TRAF7: variants seen among roughly 807,000 people sequenced by gnomAD.
TRAF7 encodes the protein TNF receptor associated factor 7.
A neutral mutation model predicts 89.3 loss-of-function variants in TRAF7; 45 were observed. The observed-to-expected ratio is 0.50, with a 90% CI of 0.40 to 0.65. TRAF7 has a LOEUF of 0.65. Ranked by LOEUF, TRAF7 falls within the 30% of genes least tolerant of loss-of-function variation. The probability of loss-of-function intolerance (pLI) is 0.00; values close to 1 mark genes in which losing one functional copy is unlikely to be tolerated. For synonymous variants in TRAF7, 406 were observed against 369.2 expected, an observed-to-expected ratio of 1.10 and a Z score of -1.14; for missense variants, 677 against 918.1, an observed-to-expected ratio of 0.74 and a Z score of 3.39.
chr16:2,165,986 C>A, intron 3 of TRAF7, 50 bp downstream of exon 3: 2 of 1,605,854 alleles, frequency 1.2e-6, no homozygotes, highest in Non-Finnish European at 1.7e-6. Flanking sequence ...CCGGGGCACC[C>A]CCATGCCCAC....
chr16:2,173,764 T>C (rs2093123367), intron 11 of TRAF7, 24 bp from the exon 12 acceptor site: 1 of 1,609,492 alleles, frequency 6.2e-7, no homozygotes, highest in South Asian at 1.1e-5. Context: ...CCACCTGCCC[T>C]CTGCCCTGCC....
chr16:2,176,291 C>A lies in TRAF7; in HGVS notation c.1905C>A (p.Cys635Ter). Residue 635 changes from cysteine (C) to a stop codon, truncating the protein, a stop_gained, in exon 20 of 21, where the codon TGC (cysteine) becomes TGA (stop). Coordinates refer to ENST00000326181, the MANE Select transcript of TRAF7 (RefSeq NM_032271.3). LOFTEE classifies it high-confidence loss of function. ...LRVWSMDNMICTQTLLRHQGS... is the reference protein window; with the variant it reads ...LRVWSMDNMI ...TCTGGAGTATGGACAACATGATCTG[C>A]ACGCAGACCCTGCTGCGTCACCAGG... The A allele has an allele frequency of 6.2e-7, 1 of 1,603,122 alleles. No individual in the cohort carries two copies. Among genetic ancestry groups the A allele is most frequent in the Non-Finnish European group, 8.5e-7 (1 of 1,179,304 alleles).
chr16:2,164,093 C>A, intron 2 of TRAF7, 92 bp downstream of exon 2: 1 of 1,246,712 alleles, frequency 8.0e-7, no homozygotes, highest in Non-Finnish European at 1.1e-6. Flanking sequence ...CCAGCGCAGT[C>A]CCGTCCCGAG....
At position 2,175,568 on chromosome 16, in the gene TRAF7, G is replaced by C. The variant is rs751098293; in HGVS notation, c.1572G>C (p.Arg524=). The C allele has an allele frequency of 1.9e-6, 3 of 1,612,898 alleles. No individual in the cohort carries two copies. In the African/African-American group the frequency reaches 4.0e-5, roughly 22 times the overall value. The change falls in exon 17 of 21, where the codon CGG becomes CGC. Residue 524 remains arginine, a synonymous_variant. Coordinates refer to ENST00000326181, the MANE Select transcript of TRAF7 (RefSeq NM_032271.3). ...KELTGLNHWV[R]ALVAAQSYLY... ...TCACAGGCCTCAACCACTGGGTGCG[G>C]GCCCTGGTGGCTGCCCAGAGCTACC...
chr16:2,156,003 G>C (rs1186914751), intron 1 of TRAF7, 145 bp downstream of exon 1: 1 of 147,716 alleles, frequency 6.8e-6, no homozygotes, highest in African/African-American at 2.5e-5. Context: ...GGGCTGAGAC[G>C]GTCGGGGTCG....
Position 2,168,077 on chromosome 16 carries a change from C to T in TRAF7, c.140C>T (p.Ala47Val), listed in dbSNP as rs2093093800. 3.7e-6 allele frequency: 6 copies of T among 1,611,020 alleles called. No individual in the cohort carries two copies. Among genetic ancestry groups the T allele is most frequent in the Non-Finnish European group, 5.1e-6 (6 of 1,179,794 alleles). The change falls in exon 4 of 21, where the codon GCT becomes GTT. Residue 47 changes from alanine to valine, a missense_variant and splice_region_variant. This residue lies in a region of TRAF7 where 240 missense variants were observed against 191.9 expected (regional missense o/e 1.25). Coordinates refer to ENST00000326181, the MANE Select transcript of TRAF7 (RefSeq NM_032271.3). The surrounding 1 kb of genome is among the most constrained non-coding windows in gnomAD (Gnocchi z 4.1). ...AGACGCCAGCCCTCTTGCCTTGCAG[C>T]TGACGGGACCAGCACCTACAAGCAG... ...AFSAVTTITK[A>V]DGTSTYKQHC...
At chr16:2,164,139 G>GGTGTGTGTGTGTGTGCGT (rs2093068702) in intron 2 of TRAF7, 138 bp downstream of exon 2, 14 of 544,380 alleles carry the variant, frequency 2.6e-5, no homozygotes, top group Non-Finnish European at 4.1e-5. Flanking sequence ...GGGGGGGTGT[G>GGTGTGTGTGTGTGTGCGT]GTGTGTGTGT....
chr16:2,172,589 T>TC lies in TRAF7; in HGVS notation c.786dup (p.Lys263GlnfsTer34). The TC allele has an allele frequency of 9.6e-7, 1 of 1,037,290 alleles. No homozygotes were observed. Among genetic ancestry groups the TC allele is most frequent in the Non-Finnish European group, 1.4e-6 (1 of 734,610 alleles). The allele number at this position is 1,037,290 out of a possible 1,614,324, so 64.3% of individuals were successfully genotyped here. A position where few individuals can be genotyped will look rare whatever the true frequency, so the allele number is the denominator to read the frequency against. ...GTGCGAGCACATCAAATGCCCCCACTCCAAGTACGGGTGAGTGGGGGGCGG... is the reference window on the plus strand; with the variant it reads ...GTGCGAGCACATCAAATGCCCCCACTCCCAAGTACGGGTGAGTGGGGGGCGG... On this transcript the variant is annotated frameshift_variant, in exon 9 of 21. Transcript: ENST00000326181. LOFTEE classifies it high-confidence loss of function.
chr16:2,164,179 CGCACGCGT>C (rs1366552391), intron 2 of TRAF7, among the ~76,000 whole-genome samples, 178 bp downstream of exon 2: 35 of 120,918 alleles, frequency 2.9e-4, no homozygotes, highest in Non-Finnish European at 4.1e-4. Context: ...CGCGCGCGCG[CGCACGCGT>C]GCGTGTGTGG....
intron 9 of TRAF7, among the ~76,000 whole-genome samples, chr16:2,172,970 A>G (rs1010786298): frequency 7.9e-5 from 12 of 151,964 alleles, no homozygotes; most frequent in African/African-American, 2.9e-4. Flanking sequence ...GGACCCCTTG[A>G]AGAGCTCTGC....
intron 4 of TRAF7, among the ~76,000 whole-genome samples, 177 bp from the exon 5 acceptor site, chr16:2,170,437 G>A (rs950842621): frequency 6.6e-5 from 10 of 152,250 alleles, no homozygotes; most frequent in Non-Finnish European, 1.5e-5. Flanking sequence ...AGGGACCTGG[G>A]TTGCATCAGC....
At position 2,172,181 on chromosome 16, in the gene TRAF7, C is replaced by A. The variant is rs1244997904; in HGVS notation, c.476-10C>A. On this transcript the variant is annotated splice_polypyrimidine_tract_variant and intron_variant, in intron 7 of 20. Coordinates refer to ENST00000326181, the MANE Select transcript of TRAF7 (RefSeq NM_032271.3). ...CAGGCCGTGAGGGTCAGCACGCCCT[C>A]CTCTCCCAGAGAAGTGTCCCGTGGA... 5 of 1,612,946 alleles carry A rather than the reference C, an allele frequency of 3.1e-6. No individual in the cohort carries two copies. Among genetic ancestry groups the A allele is most frequent in the Non-Finnish European group, 4.2e-6 (5 of 1,179,936 alleles).
rs557749310 is a variant in TRAF7, at chr16:2,177,106, C to T, written c.*532C>T. On this transcript the variant is annotated 3_prime_UTR_variant, in exon 21 of 21. Transcript: ENST00000326181. ...CTCCCCTCCCTGCTAGGAGGCAACT[C>T]GTCACACCCAAGCTGCTGGCCTCCA... 5.2e-5 allele frequency: 14 copies of T among 269,554 alleles called. No individual in the cohort carries two copies. Among genetic ancestry groups the T allele is most frequent in the African/African-American group, 2.6e-4 (12 of 46,932 alleles). 16.7% of individuals were successfully genotyped at this position (269,554 alleles called of 1,614,324 possible). A position where few individuals can be genotyped will look rare whatever the true frequency, so the allele number is the denominator to read the frequency against.
chr16:2,157,550 C>T (rs2093040117), intron 1 of TRAF7, among the ~76,000 whole-genome samples: 1 of 152,168 alleles, frequency 6.6e-6, no homozygotes. Context: ...TAGCTCCTCC[C>T]GGGTCAGATT....
intron 1 of TRAF7, among the ~76,000 whole-genome samples, chr16:2,156,315 T>C (rs1404841333): frequency 6.6e-6 from 1 of 152,114 alleles, no homozygotes; most frequent in Non-Finnish European, 1.5e-5. Flanking sequence ...GCCTGGCTCC[T>C]GGCCGCTAGA....
rs772031585 is a variant in TRAF7 at position 2,168,286 on chromosome 16, G to A, written c.231+118G>A. 2.4e-5 allele frequency: 19 copies of A among 807,832 alleles called. No individual in the cohort carries two copies. The highest frequency in any genetic ancestry group is 7.6e-5 in the Admixed American group (3 of 39,496). The allele number at this position is 807,832 out of a possible 1,614,324, so 50.0% of individuals were successfully genotyped here. On this transcript the variant is annotated intron_variant, in intron 4 of 20. Coordinates refer to ENST00000326181, the MANE Select transcript of TRAF7 (RefSeq NM_032271.3). The surrounding 1 kb of genome is among the most constrained non-coding windows in gnomAD (Gnocchi z 4.1). ...GCTGGTGAGGCACAGGAGAAGAAGAGCACCTGTGGATACCCTGAGGCCTCG... is the reference window on the plus strand; with the variant it reads ...GCTGGTGAGGCACAGGAGAAGAAGAACACCTGTGGATACCCTGAGGCCTCG...
At chr16:2,175,254 G>A (rs377742683) in intron 15 of TRAF7, 47 bp from the exon 16 acceptor site, 462 of 1,612,392 alleles carry the variant, frequency 2.9e-4, no homozygotes, top group Non-Finnish European at 3.6e-4. Context: ...CCAGACTCCA[G>A]GTGGCAGGGC....
chr16:2,176,286 A>C lies in TRAF7; in HGVS notation c.1900A>C (p.Ile634Leu). 2.5e-6 allele frequency: 4 copies of C among 1,602,732 alleles called. No individual in the cohort carries two copies. Among genetic ancestry groups the C allele is most frequent in the Non-Finnish European group, 3.4e-6 (4 of 1,179,364 alleles). Residue 634 changes from isoleucine (I) to leucine (L), a missense_variant, in exon 20 of 21, where the codon ATC becomes CTC. Coordinates refer to ENST00000326181, the MANE Select transcript of TRAF7 (RefSeq NM_032271.3). ...SLRVWSMDNM[I>L]CTQTLLRHQG... ...CCAGGTCTGGAGTATGGACAACATGATCTGCACGCAGACCCTGCTGCGTCA... is the reference window on the plus strand; with the variant it reads ...CCAGGTCTGGAGTATGGACAACATGCTCTGCACGCAGACCCTGCTGCGTCA...
chr16:2,171,425 G>T, intron 6 of TRAF7, 69 bp downstream of exon 6: 2 of 1,534,006 alleles, frequency 1.3e-6, no homozygotes, highest in Non-Finnish European at 1.8e-6. Context: ...GCTCTCGGGG[G>T]CCGGGGCTGT....
Sources: gnomAD v4.1 joint callset for allele counts (sites outside exome capture counted in the v4.1 genomes callset) on GRCh38, gnomAD v4.1.1 for gene constraint, gnomAD v4.1.1 regional missense constraint, Gnocchi (gnomAD v3.1) non-coding constraint, MANE v1.5 for transcripts, NCBI Gene and HGNC (gene_info 2026-07-23, HGNC 2026-07-21) for gene names.